Variants in HDGFL2 observed in about 807,000 individuals in gnomAD.
HDGFL2 encodes HDGF like 2.
In HDGFL2, 36 loss-of-function variants were observed where a neutral mutation model predicts 77.1. The observed-to-expected ratio is 0.47, with a 90% CI of 0.36 to 0.62. The LOEUF (loss-of-function observed/expected upper bound fraction) is 0.62. Among genes scored for constraint, HDGFL2 ranks in the 20% least tolerant of loss-of-function variants. HDGFL2 has a pLI of 0.00. For synonymous variants in HDGFL2, 463 were observed against 413.1 expected (o/e 1.12, Z -1.46); for missense variants, 976 against 973.4 (o/e 1.00, Z -0.04).
Position 4,499,730 on chromosome 19 carries a change from G to C in HDGFL2, c.1789+26G>C, listed in dbSNP as rs973112090. On this transcript the variant is annotated intron_variant, in intron 14 of 15. Transcript: ENST00000616600. ...GTGAGGGGCGGGTGGGGTGGGCCCT[G>C]TACCTCAGTCTCCTCAGCTGAAGAA... is the stretch of plus-strand genomic sequence containing the variant. 6 of 1,486,698 alleles carry C rather than the reference G, an allele frequency of 4.0e-6. No individual in the cohort carries two copies. In the African/African-American group the frequency reaches 8.3e-5, roughly 20 times the overall value. The allele number at this position is 1,486,698 out of a possible 1,614,324, so 92.1% of individuals were successfully genotyped here.
chr19:4,501,473 G>T, intron 15 of HDGFL2, 156 bp downstream of exon 15: 2 of 871,522 alleles, frequency 2.3e-6, no homozygotes, highest in South Asian at 4.2e-5. Context: ...TGACCCCAGG[G>T]CCCCGCTGGC....
chr19:4,478,905 G>A (rs975070935), intron 3 of HDGFL2, among the ~76,000 whole-genome samples: 2 of 151,158 alleles, frequency 1.3e-5, no homozygotes, highest in Non-Finnish European at 3.0e-5. Flanking sequence ...GGCTGGTCTC[G>A]AACTCCTGAC....
chr19:4,501,539 C>T (rs1377578514), intron 15 of HDGFL2: 2 of 520,270 alleles, frequency 3.8e-6, no homozygotes, highest in Non-Finnish European at 6.5e-6. Context: ...AGCTGCCTGC[C>T]CCTGGCCTCC....
At chr19:4,497,916 T>C in intron 10 of HDGFL2, 42 bp from the exon 11 acceptor site, 7 of 1,518,114 alleles carry the variant, frequency 4.6e-6, no homozygotes, top group Non-Finnish European at 6.3e-6. Flanking sequence ...AGTGGCAGAG[T>C]GCCGGTGACG....
In HDGFL2 at chr19:4,488,883, G is replaced by A. The variant is rs530330941; in HGVS notation, c.489+7G>A. ...GAAGACGCCTGCGCTAAAGGTAGGG[G>A]AGGACCAAGGTGGGCTGGCCCTTCA... On this transcript the variant is annotated splice_region_variant and intron_variant, in intron 4 of 15. Coordinates refer to ENST00000616600, the MANE Select transcript of HDGFL2 (RefSeq NM_001001520.3). The A allele has an allele frequency of 5.7e-5, 88 of 1,550,462 alleles. No homozygotes were observed. Among genetic ancestry groups the A allele is most frequent in the Non-Finnish European group, 7.2e-5 (82 of 1,146,422 alleles).
chr19:4,487,154 G>C (rs1470654005), intron 3 of HDGFL2, among the ~76,000 whole-genome samples: 1 of 152,018 alleles, frequency 6.6e-6, no homozygotes, highest in Non-Finnish European at 1.5e-5. Flanking sequence ...TTTTAGTAGA[G>C]ACAGGGTTTC....
rs1401183516 is a variant in HDGFL2 at position 4,499,422 on chromosome 19, C to T, written c.1576-69C>T. 4.2e-6 allele frequency: 6 copies of T among 1,432,222 alleles called. No homozygotes were observed. The African/African-American group carries it at 7.1e-5, about 17-fold the overall frequency. The allele number at this position is 1,432,222 out of a possible 1,614,324, so 88.7% of individuals were successfully genotyped here. A position where few individuals can be genotyped will look rare whatever the true frequency, so the allele number is the denominator to read the frequency against. ...CTGCGGGAGGGGCGCATTGCTGGGG[C>T]GAGGGGTTCAGAGCCGGGGCTAGGG... On this transcript the variant is annotated intron_variant, in intron 13 of 15. Transcript: ENST00000616600.
rs755226296 is a variant in HDGFL2 at position 4,498,837 on chromosome 19, C to T, written c.1497C>T (p.Ala499=). The T allele has an allele frequency of 1.9e-6, 3 of 1,610,708 alleles. No homozygotes were observed. The highest frequency in any genetic ancestry group is 2.5e-6 in the Non-Finnish European group (3 of 1,178,420). Residue 499 remains alanine (A), a synonymous_variant, in exon 13 of 16, where the codon GCC becomes GCT. Coordinates refer to ENST00000616600, the MANE Select transcript of HDGFL2 (RefSeq NM_001001520.3). ...AGGACGTGAAGAGGTGCCTGAATGC[C>T]CTAGAGGAGCTGGGAACCCTGCAGG... is the stretch of plus-strand genomic sequence containing the variant. ...DSPDVKRCLN[A]LEELGTLQVT... is the part of the protein sequence containing the mutation.
intron 4 of HDGFL2, 75 bp downstream of exon 4, chr19:4,488,951 C>CT: frequency 9.8e-7 from 1 of 1,023,450 alleles, no homozygotes; most frequent in Non-Finnish European, 1.4e-6. Flanking sequence ...GCTCTCCTGC[C>CT]CTTTTTTTTT....
intron 11 of HDGFL2, 63 bp from the exon 12 acceptor site, chr19:4,498,243 C>G (rs542329676): frequency 1.4e-6 from 2 of 1,459,878 alleles, no homozygotes; most frequent in Non-Finnish European, 1.9e-6. Context: ...GGCTCCTGCC[C>G]TTGAACAGCT....
intron 3 of HDGFL2, among the ~76,000 whole-genome samples, chr19:4,485,323 G>A (rs567245766): frequency 1.3e-5 from 2 of 152,278 alleles, no homozygotes; most frequent in East Asian, 3.9e-4. Context: ...CATCCATGCT[G>A]TGGCCTGGGT....
intron 3 of HDGFL2, among the ~76,000 whole-genome samples, chr19:4,478,095 A>G (rs1288056797): frequency 6.6e-6 from 1 of 151,266 alleles, no homozygotes; most frequent in Admixed American, 6.6e-5. Context: ...AAAAAAAAAA[A>G]AAGATGCAGA....
At position 4,500,780 on chromosome 19, in the gene HDGFL2, A is replaced by G. The variant is rs1437548324; in HGVS notation, c.1790-411A>G. ...CCTGCCAGGACGTGCTAATTTTTGT[A>G]TTTTTTGTAGAGACAGGGTTGCTGG... On this transcript the variant is annotated intron_variant, in intron 14 of 15. Transcript: ENST00000616600. Among the ~76,000 whole-genome samples, 2 of 151,796 alleles carry G rather than the reference A, an allele frequency of 1.3e-5. 1 individual carries two copies. Among genetic ancestry groups the G allele is most frequent in the South Asian group, 4.2e-4 (2 of 4,816 alleles).
chr19:4,502,188 A>G lies in HDGFL2; in HGVS notation c.*178A>G. Reference sequence around the variant, plus strand: ...TCCAACCAACATGAAATGACTATAAATGGTTTTTTAATGAAAAAAGAAATC... The same window carrying G: ...TCCAACCAACATGAAATGACTATAAGTGGTTTTTTAATGAAAAAAGAAATC... On this transcript the variant is annotated 3_prime_UTR_variant, in exon 16 of 16. Coordinates refer to ENST00000616600, the MANE Select transcript of HDGFL2 (RefSeq NM_001001520.3). 1.5e-6 allele frequency: 1 copy of G among 675,548 alleles called. No individual in the cohort carries two copies. Among genetic ancestry groups the G allele is most frequent in the Non-Finnish European group, 2.6e-6 (1 of 378,954 alleles). The allele number at this position is 675,548 out of a possible 1,614,324, so 41.8% of individuals were successfully genotyped here.
chr19:4,487,838 G>A (rs75916762), intron 3 of HDGFL2, among the ~76,000 whole-genome samples: 15,160 of 152,100 alleles, frequency 0.1, 943 homozygotes, highest in South Asian at 0.21. Context: ...GGCTGTCACT[G>A]CCTGAGCGGG....
intron 15 of HDGFL2, 85 bp downstream of exon 15, chr19:4,501,402 C>G: frequency 6.8e-7 from 1 of 1,467,638 alleles, no homozygotes; most frequent in Non-Finnish European, 9.1e-7. Flanking sequence ...CCTCCTGTGC[C>G]AGTCCCTCTG....
chr19:4,475,707 A>C (rs1188652495), intron 3 of HDGFL2, 124 bp downstream of exon 3: 1 of 1,217,446 alleles, frequency 8.2e-7, no homozygotes, highest in Admixed American at 3.1e-5. Context: ...GTGGTGGGGC[A>C]TTCTGGGCCC....
chr19:4,486,677 A>G (rs981464663), intron 3 of HDGFL2, among the ~76,000 whole-genome samples: 23 of 152,138 alleles, frequency 1.5e-4, no homozygotes, highest in African/African-American at 5.5e-4. Context: ...GTCTCTACTA[A>G]AAATACAAAA....
At chr19:4,494,889 C>T (rs1975660443) in intron 9 of HDGFL2, among the ~76,000 whole-genome samples, 1 of 152,090 alleles carries the variant, frequency 6.6e-6, no homozygotes, top group African/African-American at 2.4e-5. Flanking sequence ...CACTGCACTC[C>T]AGCCTGGGCC....
Sources: allele counts gnomAD v4.1 joint callset (sites outside exome capture counted in the v4.1 genomes callset), GRCh38; gene constraint gnomAD v4.1.1; transcripts MANE v1.5; gene names NCBI Gene and HGNC (gene_info 2026-07-23, HGNC 2026-07-21).